HPSE2: variants seen among roughly 807,000 people sequenced by gnomAD.
HPSE2 encodes the protein heparanase 2 (inactive).
HPSE2 carries 38 observed loss-of-function variants against 60.5 expected under a neutral mutation model. The observed-to-expected ratio is 0.63, with a 90% CI of 0.48 to 0.82. The LOEUF is 0.82. HPSE2 is among the 40% of genes least tolerant of loss of function. HPSE2 has a pLI of 0.00. For missense variants in HPSE2, 713 were observed against 740.4 expected (o/e 0.96, Z 0.43); for synonymous variants, 295 against 293.2 (o/e 1.01, Z -0.06).
intron 3 of HPSE2, among the ~76,000 whole-genome samples, chr10:99,057,588 G>A (rs1958142714): frequency 6.6e-6 from 1 of 152,094 alleles, no homozygotes; most frequent in Non-Finnish European, 1.5e-5. Context: ...TTCAGACATT[G>A]CCACCATAAG....
At chr10:98,852,677 CA>C (rs1341470442) in intron 3 of HPSE2, among the ~76,000 whole-genome samples, 3 of 152,230 alleles carry the variant, frequency 2.0e-5, no homozygotes, top group African/African-American at 7.2e-5. Flanking sequence ...GTCCCTGCTT[CA>C]ATCACGCCTA....
At position 98,652,747 on chromosome 10, in the gene HPSE2, T is replaced by C. The variant is rs570030395; in HGVS notation, c.1005-10807A>G. ...CACACAAAGCCTAGGCTTAATTAAA[T>C]GGTATCTTGGCTAAAATGTGACATG... On this transcript the variant is annotated intron_variant, in intron 6 of 11. Transcript: ENST00000370552. Among the ~76,000 whole-genome samples, 5 of 152,352 alleles carry C rather than the reference T, an allele frequency of 3.3e-5. No homozygotes were observed. The East Asian group carries it at 9.6e-4, about 29-fold the overall frequency.
At chr10:98,975,720 T>A (rs188647601) in intron 3 of HPSE2, among the ~76,000 whole-genome samples, 1 of 152,172 alleles carries the variant, frequency 6.6e-6, no homozygotes, top group South Asian at 2.1e-4. Flanking sequence ...AAGAAGCAAG[T>A]AGATGTAAGT....
intron 3 of HPSE2, among the ~76,000 whole-genome samples, chr10:99,076,373 T>A (rs1842952056): frequency 6.6e-6 from 1 of 152,184 alleles, no homozygotes; most frequent in African/African-American, 2.4e-5. Context: ...CACACATTTT[T>A]ATATTTATAG....
Position 98,937,133 on chromosome 10 carries a change from G to C in HPSE2, c.611-193077C>G, listed in dbSNP as rs550547041. On this transcript the variant is annotated intron_variant, in intron 3 of 11. Coordinates refer to ENST00000370552, the MANE Select transcript of HPSE2 (RefSeq NM_021828.5). ...AGATGGCTGAGTAGGAACAGCTCTG[G>C]TCTACAGCTCCCAGCGTTAAGCGAC... 1.7e-4 allele frequency among the ~76,000 whole-genome samples: 25 copies of C among 143,954 alleles called. 6 individuals carry two copies. The highest frequency in any genetic ancestry group is 7.0e-4 in the African/African-American group (25 of 35,464). 94.4% of individuals were successfully genotyped at this position (143,954 alleles called of 152,430 possible).
chr10:98,512,812 A>ACACACACACACACACAC (rs375085018), intron 9 of HPSE2, among the ~76,000 whole-genome samples: 6 of 124,544 alleles, frequency 4.8e-5, no homozygotes, highest in South Asian at 3.0e-4. Flanking sequence ...CCCACCCCCC[A>ACACACACACACACACAC]ACACACACAC....
intron 11 of HPSE2, chr10:98,461,635 T>G (rs1330059440): frequency 3.0e-6 from 2 of 659,730 alleles, no homozygotes; most frequent in African/African-American, 3.6e-5. Context: ...ATAAGCACAG[T>G]CAAACACGAG....
chr10:98,508,132 G>C (rs1942262709), intron 9 of HPSE2, among the ~76,000 whole-genome samples: 1 of 152,180 alleles, frequency 6.6e-6, no homozygotes, highest in Non-Finnish European at 1.5e-5. Flanking sequence ...GAGAGACACA[G>C]ACAGACATTC....
At chr10:98,568,771 T>C (rs1944416314) in intron 9 of HPSE2, among the ~76,000 whole-genome samples, 1 of 152,164 alleles carries the variant, frequency 6.6e-6, no homozygotes. Context: ...AGCAGTGACA[T>C]GGGACTTGAA....
At chr10:98,713,471 T>C (rs1266084647) in intron 5 of HPSE2, among the ~76,000 whole-genome samples, 2 of 151,762 alleles carry the variant, frequency 1.3e-5, no homozygotes, top group East Asian at 3.9e-4. Flanking sequence ...TTTACTGCCA[T>C]CACCCACCGA....
intron 3 of HPSE2, among the ~76,000 whole-genome samples, chr10:98,969,386 T>C (rs1265111107): frequency 6.6e-6 from 1 of 152,194 alleles, no homozygotes; most frequent in African/African-American, 2.4e-5. Context: ...AGTTCATTCC[T>C]AGATCAGATA....
chr10:98,464,640 G>A (rs1289561711), intron 11 of HPSE2, among the ~76,000 whole-genome samples: 3 of 152,220 alleles, frequency 2.0e-5, no homozygotes, highest in Non-Finnish European at 2.9e-5. Flanking sequence ...AATCCTCAAT[G>A]CCTAAAGAGG....
chr10:98,472,115 C>A lies in HPSE2; in HGVS notation c.1613+10521G>T, dbSNP rs567544353. Among the ~76,000 whole-genome samples the A allele has an allele frequency of 9.9e-5, 15 of 152,154 alleles. No homozygotes were observed. The South Asian group carries it at 2.9e-3, about 29-fold the overall frequency. On this transcript the variant is annotated intron_variant, in intron 11 of 11. Coordinates refer to ENST00000370552, the MANE Select transcript of HPSE2 (RefSeq NM_021828.5). ...TTGCATTAACAAGATTTGTGAGGCT[C>A]ATTTCTCTACATATTTACTTCTCTT...
chr10:98,897,011 A>G (rs944632476), intron 3 of HPSE2, among the ~76,000 whole-genome samples: 4 of 152,184 alleles, frequency 2.6e-5, no homozygotes, highest in African/African-American at 4.8e-5. Context: ...ACATTCTGCC[A>G]AACATTTAAG....
At chr10:98,629,853 A>T (rs922780671) in intron 7 of HPSE2, among the ~76,000 whole-genome samples, 1 of 152,362 alleles carries the variant, frequency 6.6e-6, no homozygotes, top group Admixed American at 6.5e-5. Flanking sequence ...TTCAAAACAA[A>T]AAGAGTGGAT....
chr10:98,886,101 C>T (rs1406327483), intron 3 of HPSE2, among the ~76,000 whole-genome samples: 1 of 151,972 alleles, frequency 6.6e-6, no homozygotes, highest in Non-Finnish European at 1.5e-5. Flanking sequence ...TATTAAGATA[C>T]ACAAAAATAA....
At chr10:98,670,149 G>T (rs1947469428) in intron 6 of HPSE2, among the ~76,000 whole-genome samples, 2 of 152,308 alleles carry the variant, frequency 1.3e-5, no homozygotes, top group South Asian at 4.1e-4. Context: ...GTAGGACAGT[G>T]GTGCAGGAGA....
intron 3 of HPSE2, among the ~76,000 whole-genome samples, chr10:99,067,302 T>C (rs1051170444): frequency 1.3e-5 from 2 of 152,168 alleles, no homozygotes; most frequent in African/African-American, 2.4e-5. Context: ...TGGAGGATGG[T>C]GGCCCTCTTC....
intron 3 of HPSE2, among the ~76,000 whole-genome samples, chr10:98,938,483 T>G (rs1589394970): frequency 7.0e-6 from 1 of 143,636 alleles, no homozygotes; most frequent in Admixed American, 6.9e-5. Context: ...GGAAGAAAGG[T>G]TATCAGTGAT....
Sources: allele counts gnomAD v4.1 joint callset (sites outside exome capture counted in the v4.1 genomes callset), GRCh38; gene constraint gnomAD v4.1.1; transcripts MANE v1.5; gene names NCBI Gene and HGNC (gene_info 2026-07-23, HGNC 2026-07-21).